Variants in CACNA2D3 observed in about 807,000 individuals in gnomAD.
CACNA2D3 encodes voltage-dependent calcium channel subunit alpha-2/delta-3.
A neutral mutation model predicts 160.6 loss-of-function variants in CACNA2D3; 60 were observed. That is an observed-to-expected ratio of 0.37 (90% CI 0.30 to 0.46). The LOEUF (loss-of-function observed/expected upper bound fraction) is 0.46. Among genes scored for constraint, CACNA2D3 ranks in the 20% least tolerant of loss-of-function variants. The pLI, the probability that CACNA2D3 is intolerant of heterozygous loss-of-function variation, is 1.00. For missense variants in CACNA2D3, 1,205 were observed against 1,365.0 expected (o/e 0.88, Z 1.85); for synonymous variants, 558 against 492.9 (o/e 1.13, Z -1.75).
At chr3:54,923,823 A>G (rs1700926928) in intron 27 of CACNA2D3, among the ~76,000 whole-genome samples, 1 of 152,204 alleles carries the variant, frequency 6.6e-6, no homozygotes, top group Non-Finnish European at 1.5e-5. Context: ...TCTGTTGCCC[A>G]TTGACAACAG....
chr3:54,868,651 C>G (rs1228289138), intron 17 of CACNA2D3, among the ~76,000 whole-genome samples: 4 of 152,056 alleles, frequency 2.6e-5, no homozygotes, highest in African/African-American at 9.7e-5. Context: ...CCAGGAGAGT[C>G]TTCAGTTCAA....
At chr3:54,885,805 A>G (rs1021093058) in intron 23 of CACNA2D3, among the ~76,000 whole-genome samples, 3 of 152,194 alleles carry the variant, frequency 2.0e-5, no homozygotes, top group Non-Finnish European at 2.9e-5. Context: ...AGCTGTTTGC[A>G]TTGGGCTTTG....
chr3:54,383,851 T>C (rs1400261570), intron 3 of CACNA2D3, among the ~76,000 whole-genome samples: 1 of 152,208 alleles, frequency 6.6e-6, no homozygotes, highest in Non-Finnish European at 1.5e-5. Context: ...TGCTTTCCAG[T>C]GTTTACCTTC....
intron 11 of CACNA2D3, among the ~76,000 whole-genome samples, chr3:54,669,291 G>A (rs1031659524): frequency 6.6e-6 from 1 of 152,168 alleles, no homozygotes; most frequent in Non-Finnish European, 1.5e-5. Flanking sequence ...ATTTCTGTTG[G>A]ATCTCCAGCA....
At chr3:54,932,179 A>C (rs1035526608) in intron 27 of CACNA2D3, among the ~76,000 whole-genome samples, 4 of 152,198 alleles carry the variant, frequency 2.6e-5, no homozygotes, top group Admixed American at 1.3e-4. Context: ...ACCCTGTCTC[A>C]AAAAATAATA....
chr3:54,380,044 G>T (rs1220206632), intron 3 of CACNA2D3, among the ~76,000 whole-genome samples: 1 of 152,178 alleles, frequency 6.6e-6, no homozygotes, highest in South Asian at 2.1e-4. Context: ...GGACAGAGGG[G>T]AAGGAATCTC....
chr3:54,929,742 C>G (rs578053779), intron 27 of CACNA2D3, among the ~76,000 whole-genome samples: 2 of 152,114 alleles, frequency 1.3e-5, no homozygotes, highest in Admixed American at 1.3e-4. Context: ...GATTTCTTCC[C>G]TCCTTCCTTC....
chr3:54,640,786 T>G (rs1184116198), intron 10 of CACNA2D3, among the ~76,000 whole-genome samples: 3 of 152,216 alleles, frequency 2.0e-5, no homozygotes, highest in Non-Finnish European at 4.4e-5. Context: ...CTTGATTTTA[T>G]TATATGCTGC....
chr3:54,421,582 G>A (rs771304553), intron 4 of CACNA2D3, among the ~76,000 whole-genome samples: 2 of 152,148 alleles, frequency 1.3e-5, no homozygotes, highest in Non-Finnish European at 2.9e-5. Flanking sequence ...GCAGCAACCA[G>A]CTCTGGATTT....
chr3:54,463,885 T>C (rs972755205), intron 4 of CACNA2D3, among the ~76,000 whole-genome samples: 1 of 152,184 alleles, frequency 6.6e-6, no homozygotes, highest in Non-Finnish European at 1.5e-5. Context: ...CTCTGTTTTT[T>C]CCCCATCTTT....
rs147162065 is a variant in CACNA2D3 at position 55,038,225 on chromosome 3, T to A, written c.2987+19908T>A. 1.3e-4 allele frequency among the ~76,000 whole-genome samples: 20 copies of A among 152,290 alleles called. 1 individual carries two copies. In the East Asian group the frequency reaches 2.9e-3, roughly 22 times the overall value. ...ATCCATGCTAAGACCCATGCATGTG[T>A]TTATTTTCATTTAAACCTTTTATTT... is the stretch of plus-strand genomic sequence containing the variant. On this transcript the variant is annotated intron_variant, in intron 35 of 37. Transcript: ENST00000474759.
chr3:54,809,259 C>CCTT (rs2106694170), intron 13 of CACNA2D3, among the ~76,000 whole-genome samples: 1 of 145,180 alleles, frequency 6.9e-6, no homozygotes, highest in African/African-American at 2.7e-5. Flanking sequence ...TTCCTTTCTT[C>CCTT]CTTCCTTCCT....
chr3:54,835,182 T>C (rs1575502775), intron 14 of CACNA2D3, among the ~76,000 whole-genome samples: 1 of 152,162 alleles, frequency 6.6e-6, no homozygotes, highest in Admixed American at 6.5e-5. Flanking sequence ...TATAGGACTA[T>C]CTTGATATCC....
chr3:54,890,254 T>C (rs1463621492), intron 24 of CACNA2D3, among the ~76,000 whole-genome samples: 1 of 152,084 alleles, frequency 6.6e-6, no homozygotes, highest in Non-Finnish European at 1.5e-5. Flanking sequence ...CCCAGCACTT[T>C]GGGAGGCCGA....
At chr3:54,348,288 C>T (rs969095531) in intron 3 of CACNA2D3, among the ~76,000 whole-genome samples, 14 of 152,084 alleles carry the variant, frequency 9.2e-5, no homozygotes, top group Admixed American at 3.3e-4. Context: ...AGTATTGGTA[C>T]GTTTTGGTGG....
At chr3:54,451,137 C>A (rs1038190868) in intron 4 of CACNA2D3, among the ~76,000 whole-genome samples, 2 of 151,158 alleles carry the variant, frequency 1.3e-5, no homozygotes, top group African/African-American at 4.9e-5. Flanking sequence ...CTTGGCCCTG[C>A]CTTCTCTGGC....
intron 2 of CACNA2D3, among the ~76,000 whole-genome samples, chr3:54,315,476 T>C (rs537961197): frequency 3.3e-5 from 5 of 152,312 alleles, no homozygotes. Context: ...AAACAAGTGT[T>C]TTTATGGTAG....
chr3:54,191,919 T>C (rs1043344845), intron 2 of CACNA2D3, among the ~76,000 whole-genome samples: 1 of 152,168 alleles, frequency 6.6e-6, no homozygotes. Flanking sequence ...CCAAATCCAC[T>C]GTGTCTCCCC....
At position 55,051,436 on chromosome 3, in the gene CACNA2D3, C is replaced by T. The variant is rs997828990; in HGVS notation, c.2988-22009C>T. ...CTGCCCGGGCGTCAGGGGTCAGGGACCCACTTGAGGAGGCAGTCTGCCCTT... is the reference window on the plus strand; with the variant it reads ...CTGCCCGGGCGTCAGGGGTCAGGGATCCACTTGAGGAGGCAGTCTGCCCTT... On this transcript the variant is annotated intron_variant, in intron 35 of 37. Coordinates refer to ENST00000474759, the MANE Select transcript of CACNA2D3 (RefSeq NM_018398.3). Among the ~76,000 whole-genome samples the T allele has an allele frequency of 3.0e-4, 45 of 152,250 alleles. 1 individual carries two copies. The highest frequency in any genetic ancestry group is 1.0e-3 in the African/African-American group (42 of 41,504).
Sources: allele counts gnomAD v4.1 joint callset (sites outside exome capture counted in the v4.1 genomes callset), GRCh38; gene constraint gnomAD v4.1.1; transcripts MANE v1.5; gene names NCBI Gene and HGNC (gene_info 2026-07-23, HGNC 2026-07-21).